LRP1B: variants seen among roughly 807,000 people sequenced by gnomAD.
LRP1B encodes the protein LDL receptor related protein 1B, also known as low-density lipoprotein receptor-related protein 1B.
Under a neutral mutation model 556.6 loss-of-function variants are expected in LRP1B, and 217 were observed. That is an observed-to-expected ratio of 0.39 (90% CI 0.35 to 0.44). LRP1B has a LOEUF of 0.44. LRP1B is among the 20% of genes least tolerant of loss of function. The probability of loss-of-function intolerance (pLI) is 1.00; values close to 1 mark genes in which losing one functional copy is unlikely to be tolerated. For synonymous variants in LRP1B, 2,047 were observed against 1,865.8 expected, an observed-to-expected ratio of 1.10 and a Z score of -2.50; for missense variants, 5,053 against 5,620.8, an observed-to-expected ratio of 0.90 and a Z score of 3.23.
intron 2 of LRP1B, among the ~76,000 whole-genome samples, chr2:141,626,571 A>AT (rs1558763663): frequency 6.6e-6 from 1 of 152,176 alleles, no homozygotes; most frequent in East Asian, 1.9e-4. Context: ...CTAAAGGACT[A>AT]TTTTACAAAA....
At chr2:141,888,874 G>A (rs1699201442) in intron 1 of LRP1B, among the ~76,000 whole-genome samples, 1 of 152,116 alleles carries the variant, frequency 6.6e-6, no homozygotes, top group Non-Finnish European at 1.5e-5. Context: ...TTCGTATATT[G>A]TATACATGCA....
intron 6 of LRP1B, among the ~76,000 whole-genome samples, chr2:141,216,432 C>T (rs1352181660): frequency 6.6e-6 from 1 of 152,216 alleles, no homozygotes; most frequent in Non-Finnish European, 1.5e-5. Context: ...CAGAGAACTT[C>T]AACTAGGTAA....
intron 3 of LRP1B, among the ~76,000 whole-genome samples, chr2:141,369,380 T>C (rs72983116): frequency 0.061 from 9,328 of 152,144 alleles, 387 homozygotes; most frequent in African/African-American, 0.1. Context: ...TCAAGATTCA[T>C]GTTGTCTTCA....
At chr2:140,793,016 C>G (rs1029230306) in intron 32 of LRP1B, among the ~76,000 whole-genome samples, 3 of 151,704 alleles carry the variant, frequency 2.0e-5, no homozygotes, top group Non-Finnish European at 4.4e-5. Context: ...TATAGTAGTA[C>G]GTAAACATTA....
chr2:141,828,142 C>T (rs1486232784), intron 1 of LRP1B, among the ~76,000 whole-genome samples: 2 of 137,994 alleles, frequency 1.4e-5, no homozygotes, highest in Non-Finnish European at 3.2e-5. Context: ...TCATTATATG[C>T]ATTTTTTTTG....
intron 23 of LRP1B, chr2:140,898,551 C>A: frequency 3.1e-6 from 1 of 326,372 alleles, no homozygotes; most frequent in Non-Finnish European, 6.1e-6. Flanking sequence ...CCAGGACCAT[C>A]GATTTGTCCA....
rs752055418 is a variant in LRP1B, at chr2:140,813,817, A to G, written c.5210-11T>C. The G allele has an allele frequency of 6.3e-7, 1 of 1,587,080 alleles. No homozygotes were observed. The highest frequency in any genetic ancestry group is 8.6e-7 in the Non-Finnish European group (1 of 1,160,916). On this transcript the variant is annotated splice_polypyrimidine_tract_variant and intron_variant, in intron 31 of 90. Transcript: ENST00000389484. Reference sequence around the variant, plus strand: ...AGTCTATCGATAGACCTGTAATTAAATTTTACAACTTAAACATAATGATAG... The same window carrying G: ...AGTCTATCGATAGACCTGTAATTAAGTTTTACAACTTAAACATAATGATAG...
intron 32 of LRP1B, among the ~76,000 whole-genome samples, chr2:140,791,497 G>T (rs770452164): frequency 2.0e-5 from 3 of 152,038 alleles, no homozygotes; most frequent in African/African-American, 7.2e-5. Flanking sequence ...ATTCTAGGCA[G>T]GTTGTGACTT....
intron 72 of LRP1B, among the ~76,000 whole-genome samples, chr2:140,360,659 G>A (rs898350101): frequency 6.6e-6 from 1 of 151,456 alleles, no homozygotes; most frequent in African/African-American, 2.4e-5. Flanking sequence ...CAACTCAGAT[G>A]ACTTCAATAT....
rs148851391 is a variant in LRP1B, at chr2:141,940,544, T to TG, written c.83-130144dup. ...GTTTTAGATATCGGAAACAGACAGTTGGGGAAAAAGAGCTACGGGTAAATG... is the reference window on the plus strand; with the variant it reads ...GTTTTAGATATCGGAAACAGACAGTTGGGGGAAAAAGAGCTACGGGTAAATG... On this transcript the variant is annotated intron_variant, in intron 1 of 90. Coordinates refer to ENST00000389484, the MANE Select transcript of LRP1B (RefSeq NM_018557.3). 8.4e-3 allele frequency among the ~76,000 whole-genome samples: 1,279 copies of TG among 152,280 alleles called. 20 individuals carry two copies. Among genetic ancestry groups the TG allele is most frequent in the African/African-American group, 0.028 (1,178 of 41,566 alleles).
rs1414500043 is a variant in LRP1B, at chr2:140,813,664, G to A, written c.5352C>T (p.Thr1784=). The A allele has an allele frequency of 1.2e-6, 2 of 1,613,364 alleles. No homozygotes were observed. Among genetic ancestry groups the A allele is most frequent in the Non-Finnish European group, 8.5e-7 (1 of 1,179,540 alleles). Residue 1784 remains threonine (T), a synonymous_variant, in exon 32 of 91, where the codon ACC becomes ACT. Transcript: ENST00000389484. ...TAGAATAATTTCACTTACCCATGATGGTTAGGGCTGTAGCTTTTGTTAATT... is the reference window on the plus strand; with the variant it reads ...TAGAATAATTTCACTTACCCATGATAGTTAGGGCTGTAGCTTTTGTTAATT... ...KEELTKATAL[T]IMDKKLWWAD...
chr2:140,909,504 T>C (rs1273632727), intron 21 of LRP1B, among the ~76,000 whole-genome samples: 1 of 151,534 alleles, frequency 6.6e-6, no homozygotes, highest in Non-Finnish European at 1.5e-5. Context: ...ATATTCAACA[T>C]TGATAAAAAT....
chr2:141,151,651 C>G (rs1027125076), intron 7 of LRP1B, among the ~76,000 whole-genome samples: 3 of 152,080 alleles, frequency 2.0e-5, no homozygotes, highest in Non-Finnish European at 4.4e-5. Context: ...TCAATAACAA[C>G]AAATTATAAT....
chr2:140,844,903 A>G (rs1277126207), intron 29 of LRP1B, among the ~76,000 whole-genome samples: 1 of 152,168 alleles, frequency 6.6e-6, no homozygotes, highest in Non-Finnish European at 1.5e-5. Context: ...TATAGAGACA[A>G]ATACTTGTGC....
intron 35 of LRP1B, among the ~76,000 whole-genome samples, chr2:140,726,828 T>C (rs990959652): frequency 3.3e-5 from 5 of 152,162 alleles, no homozygotes; most frequent in Non-Finnish European, 7.3e-5. Context: ...TCCTTCTTTT[T>C]CTCTTTGTGT....
intron 11 of LRP1B, among the ~76,000 whole-genome samples, chr2:141,041,891 T>A (rs546471890): frequency 1.3e-4 from 20 of 152,182 alleles, no homozygotes; most frequent in African/African-American, 4.6e-4. Flanking sequence ...AAATTTTTTT[T>A]AAAAAGTAGC....
At chr2:142,058,179 C>T (rs747706985) in intron 1 of LRP1B, among the ~76,000 whole-genome samples, 28 of 152,128 alleles carry the variant, frequency 1.8e-4, no homozygotes, top group Non-Finnish European at 3.4e-4. Context: ...ACTACCTTCT[C>T]CACCCTCAGC....
At chr2:141,913,447 G>GA (rs1194238451) in intron 1 of LRP1B, among the ~76,000 whole-genome samples, 3 of 152,096 alleles carry the variant, frequency 2.0e-5, no homozygotes, top group Non-Finnish European at 2.9e-5. Flanking sequence ...CTATGCGGCT[G>GA]AAAAAATGGT....
intron 32 of LRP1B, among the ~76,000 whole-genome samples, chr2:140,787,442 G>T (rs1186411623): frequency 6.6e-6 from 1 of 151,892 alleles, no homozygotes; most frequent in Non-Finnish European, 1.5e-5. Flanking sequence ...TCCCCAAGAG[G>T]TAGGATTCAC....
Sources: gnomAD v4.1 joint callset for allele counts (sites outside exome capture counted in the v4.1 genomes callset) on GRCh38, gnomAD v4.1.1 for gene constraint, MANE v1.5 for transcripts, NCBI Gene and HGNC (gene_info 2026-07-23, HGNC 2026-07-21) for gene names.